Variants in ADGRV1 observed in about 807,000 individuals in gnomAD.
ADGRV1 encodes G-protein coupled receptor 98.
Under a neutral mutation model 596.2 loss-of-function variants are expected in ADGRV1, and 359 were observed. The ratio of observed to expected loss-of-function variants is 0.60; its 90% CI spans 0.55 to 0.66. ADGRV1 has a LOEUF of 0.66. Among genes scored for constraint, ADGRV1 ranks in the 30% least tolerant of loss-of-function variants. The probability of loss-of-function intolerance (pLI) is 0.00; values close to 1 mark genes in which losing one functional copy is unlikely to be tolerated. For missense variants in ADGRV1, 7,274 were observed against 7,575.6 expected (o/e 0.96, Z 1.48); for synonymous variants, 2,681 against 2,679.2 (o/e 1.00, Z -0.02).
intron 85 of ADGRV1, among the ~76,000 whole-genome samples, chr5:91,024,896 A>G (rs1395466735): frequency 6.6e-6 from 1 of 152,156 alleles, no homozygotes; most frequent in African/African-American, 2.4e-5. Flanking sequence ...GAAAAGCATC[A>G]AATTGCGCAG....
chr5:90,839,291 T>G (rs768475236), intron 77 of ADGRV1, among the ~76,000 whole-genome samples: 6 of 152,194 alleles, frequency 3.9e-5, no homozygotes, highest in Non-Finnish European at 7.3e-5. Context: ...CTCAGCTCAC[T>G]GCAACGTCTG....
intron 77 of ADGRV1, among the ~76,000 whole-genome samples, chr5:90,830,322 C>T (rs1486481975): frequency 3.3e-5 from 5 of 152,112 alleles, no homozygotes; most frequent in Non-Finnish European, 1.5e-5. Flanking sequence ...TGTTGATTTA[C>T]AGTAGGAAGA....
Position 90,774,249 on chromosome 5 carries a change from C to T in ADGRV1, c.12349C>T (p.Arg4117Cys), listed in dbSNP as rs138908576. 1.4e-4 allele frequency: 221 copies of T among 1,610,606 alleles called. 3 individuals carry two copies. In the East Asian group the frequency reaches 1.6e-3, roughly 12 times the overall value. The stretch of plus-strand genomic sequence containing the variant: ...AGACACAGTGTTGGAGGAGGACAGG[C>T]GTTTCACCATTCAGCTGATATCAAT... ...LQDTVLEEDR[R>C]FTIQLISIDE... Residue 4117 changes from arginine (R) to cysteine (C), a missense_variant, in exon 60 of 90, where the codon CGT (arginine) becomes TGT (cysteine). Coordinates refer to ENST00000405460, the MANE Select transcript of ADGRV1 (RefSeq NM_032119.4).
chr5:90,714,645 C>A (rs1480965639), intron 42 of ADGRV1, among the ~76,000 whole-genome samples: 3 of 151,962 alleles, frequency 2.0e-5, no homozygotes, highest in Admixed American at 1.3e-4. Context: ...GGCAAGGATA[C>A]AACTTCATTT....
chr5:90,813,901 C>G (rs1357503962), intron 74 of ADGRV1, among the ~76,000 whole-genome samples: 1 of 152,080 alleles, frequency 6.6e-6, no homozygotes, highest in Non-Finnish European at 1.5e-5. Context: ...TGATCATTGG[C>G]ACATTACAAG....
chr5:91,126,944 A>G (rs1453746563), intron 87 of ADGRV1, among the ~76,000 whole-genome samples: 3 of 152,222 alleles, frequency 2.0e-5, no homozygotes, highest in Non-Finnish European at 4.4e-5. Flanking sequence ...ATCTGAAGAC[A>G]GGCATCCAGC....
Position 90,622,590 on chromosome 5 carries a change from T to G in ADGRV1, c.454-7T>G. 1 of 1,398,580 alleles carries G rather than the reference T, an allele frequency of 7.2e-7. No individual in the cohort carries two copies. Among genetic ancestry groups the G allele is most frequent in the Non-Finnish European group, 9.4e-7 (1 of 1,059,796 alleles). 86.6% of individuals were successfully genotyped at this position (1,398,580 alleles called of 1,614,324 possible). ...TCCTGATCATCTGTGCTTGCTTTCC[T>G]CAATAGCTTCCCTCAATCGCAGTGA... On this transcript the variant is annotated splice_polypyrimidine_tract_variant and splice_region_variant and intron_variant, in intron 4 of 89. Transcript: ENST00000405460.
intron 78 of ADGRV1, among the ~76,000 whole-genome samples, chr5:90,841,777 TA>T (rs1765453762): frequency 6.6e-6 from 1 of 152,186 alleles, no homozygotes; most frequent in African/African-American, 2.4e-5. Flanking sequence ...ATAATGACCT[TA>T]AAATACTTTA....
chr5:90,600,385 A>G (rs1336844724), intron 1 of ADGRV1, among the ~76,000 whole-genome samples: 1 of 152,024 alleles, frequency 6.6e-6, no homozygotes, highest in African/African-American at 2.4e-5. Context: ...GTTCCTACCT[A>G]TGAGTGAGAA....
At chr5:91,091,605 C>T (rs907780494) in intron 86 of ADGRV1, 6 of 151,986 alleles carry the variant, frequency 3.9e-5, no homozygotes, top group Admixed American at 3.9e-4. Context: ...TTAGGATTCT[C>T]CATAGAAACA....
intron 83 of ADGRV1, among the ~76,000 whole-genome samples, chr5:90,953,990 T>C (rs1777260374): frequency 6.6e-6 from 1 of 151,956 alleles, no homozygotes; most frequent in South Asian, 2.1e-4. Context: ...ACTATGCCAA[T>C]GGACTGATCA....
At chr5:90,752,037 CTTTTTTCTG>C (rs995203921) in intron 53 of ADGRV1, among the ~76,000 whole-genome samples, 2 of 151,930 alleles carry the variant, frequency 1.3e-5, no homozygotes, top group Non-Finnish European at 2.9e-5. Context: ...GCTAGTATAT[CTTTTTTCTG>C]TAAAGGGCCA....
intron 9 of ADGRV1, among the ~76,000 whole-genome samples, chr5:90,634,387 C>A (rs1765878462): frequency 6.6e-6 from 1 of 152,170 alleles, no homozygotes; most frequent in Non-Finnish European, 1.5e-5. Context: ...CACAAGAGCT[C>A]TGCAGACCTG....
At chr5:90,911,109 A>G (rs1561928431) in intron 83 of ADGRV1, among the ~76,000 whole-genome samples, 1 of 152,194 alleles carries the variant, frequency 6.6e-6, no homozygotes. Context: ...AAACCTGGTA[A>G]TGGAGTTTTT....
rs775706409 is a variant in ADGRV1, at chr5:91,150,026, G to A, written c.18433-4G>A. 12 of 998,242 alleles carry A rather than the reference G, an allele frequency of 1.2e-5. 1 individual carries two copies. The Middle Eastern group carries it at 1.6e-3, about 131-fold the overall frequency. 61.8% of individuals were successfully genotyped at this position (998,242 alleles called of 1,614,324 possible). A position where few individuals can be genotyped will look rare whatever the true frequency, so the allele number is the denominator to read the frequency against. On this transcript the variant is annotated splice_region_variant and splice_polypyrimidine_tract_variant and intron_variant, in intron 87 of 89. Transcript: ENST00000405460. ...TTTCTTTTCTTTTTTTTTTTTTTTTGCAGGGACTTTATGTTTTCATGGTTT... is the reference window on the plus strand; with the variant it reads ...TTTCTTTTCTTTTTTTTTTTTTTTTACAGGGACTTTATGTTTTCATGGTTT...
At chr5:91,014,786 CTTTA>C (rs1172567283) in intron 85 of ADGRV1, among the ~76,000 whole-genome samples, 1 of 151,788 alleles carries the variant, frequency 6.6e-6, no homozygotes, top group East Asian at 1.9e-4. Context: ...CTTTTTTCTT[CTTTA>C]TTAATCTAAC....
At chr5:90,930,318 G>A (rs776321673) in intron 83 of ADGRV1, among the ~76,000 whole-genome samples, 1 of 151,964 alleles carries the variant, frequency 6.6e-6, no homozygotes, top group Non-Finnish European at 1.5e-5. Flanking sequence ...AGTCCTTCCG[G>A]CAAACTCCAA....
intron 52 of ADGRV1, among the ~76,000 whole-genome samples, chr5:90,749,011 G>C (rs1320560465): frequency 1.3e-5 from 2 of 152,116 alleles, no homozygotes; most frequent in East Asian, 3.9e-4. Context: ...GGCAGAGCTG[G>C]GCTTCCTGGG....
At chr5:90,982,729 T>C (rs1780178991) in intron 84 of ADGRV1, among the ~76,000 whole-genome samples, 1 of 118,796 alleles carries the variant, frequency 8.4e-6, no homozygotes, top group Non-Finnish European at 1.7e-5. Flanking sequence ...GAATTCAGTG[T>C]AGATGATTGG....
Sources: allele counts gnomAD v4.1 joint callset (sites outside exome capture counted in the v4.1 genomes callset), GRCh38; gene constraint gnomAD v4.1.1; transcripts MANE v1.5; gene names NCBI Gene and HGNC (gene_info 2026-07-23, HGNC 2026-07-21).